The following RELCH variants were observed in gnomAD, a reference collection of about 807,000 sequenced individuals.
RELCH encodes RAB11-binding protein RELCH.
RELCH carries 41 observed loss-of-function variants against 150.3 expected under a neutral mutation model. That is an observed-to-expected ratio of 0.27 (90% CI 0.21 to 0.35). The LOEUF (loss-of-function observed/expected upper bound fraction) is 0.35. Ranked by LOEUF, RELCH falls within the 10% of genes least tolerant of loss-of-function variation. The pLI is 1.00. For synonymous variants in RELCH, 478 were observed against 531.8 expected (o/e 0.90, Z 1.39); for missense variants, 1,092 against 1,467.8 (o/e 0.74, Z 4.18).
intron 15 of RELCH, 148 bp downstream of exon 15, chr18:62,258,824 G>A (rs2043114397): frequency 7.5e-6 from 4 of 532,550 alleles, no homozygotes; most frequent in Admixed American, 4.0e-5. Flanking sequence ...TTGGACTGGA[G>A]CCAAGAAAGA....
intron 2 of RELCH, among the ~76,000 whole-genome samples, chr18:62,216,490 T>C (rs955705957): frequency 6.6e-6 from 1 of 152,152 alleles, no homozygotes; most frequent in Non-Finnish European, 1.5e-5. Context: ...ACTAGAACTA[T>C]GCTTTCTGAT....
intron 22 of RELCH, among the ~76,000 whole-genome samples, chr18:62,276,320 A>G (rs1337405751): frequency 6.6e-6 from 1 of 152,156 alleles, no homozygotes; most frequent in East Asian, 1.9e-4. Context: ...AAAGTTGATA[A>G]CAAAAAGTAT....
At chr18:62,222,260 T>C (rs2040925628) in intron 5 of RELCH, among the ~76,000 whole-genome samples, 1 of 151,970 alleles carries the variant, frequency 6.6e-6, no homozygotes, top group African/African-American at 2.4e-5. Context: ...TAGAATATAT[T>C]TGGCAAAATT....
intron 11 of RELCH, chr18:62,247,538 A>C (rs1180183706): frequency 6.6e-6 from 1 of 150,736 alleles, no homozygotes; most frequent in Non-Finnish European, 1.5e-5. Context: ...TGTTTATTAT[A>C]AGCGATTTTT....
intron 11 of RELCH, among the ~76,000 whole-genome samples, chr18:62,247,625 C>T (rs1193592872): frequency 2.6e-5 from 4 of 151,622 alleles, no homozygotes; most frequent in African/African-American, 9.7e-5. Flanking sequence ...CTCACTGCAA[C>T]CTCCACCTTC....
chr18:62,206,631 C>G (rs2039801835), intron 1 of RELCH, among the ~76,000 whole-genome samples: 1 of 152,162 alleles, frequency 6.6e-6, no homozygotes, highest in African/African-American at 2.4e-5. Flanking sequence ...AACAATTTAA[C>G]AGAGGGTTGA....
chr18:62,213,729 C>CAAA (rs5825484), intron 2 of RELCH, among the ~76,000 whole-genome samples: 3,665 of 79,856 alleles, frequency 0.046, 263 homozygotes, highest in East Asian at 0.15. Flanking sequence ...GACTCAGTCT[C>CAAA]AAAAAAAAAA....
At chr18:62,291,436 C>T in intron 26 of RELCH, 107 bp from the exon 27 acceptor site, 1 of 574,756 alleles carries the variant, frequency 1.7e-6, no homozygotes, top group South Asian at 2.5e-5. Context: ...ATCACTATGC[C>T]ATAGGTATGA....
Position 62,187,907 on chromosome 18 carries a change from A to T in RELCH, c.402A>T (p.Pro134=). ...LPRLRDYFSN[P]GNFERQSGTP... ...GGCTGCGCGACTACTTCTCCAATCC[A>T]GGCAACTTCGAGAGGCAAAGTGGAA... The change falls in exon 1 of 29, where the codon CCA becomes CCT. Residue 134 remains proline (P), a synonymous_variant. Coordinates refer to ENST00000644646, the MANE Select transcript of RELCH (RefSeq NM_001346231.2). The T allele has an allele frequency of 6.3e-7, 1 of 1,596,140 alleles. No individual in the cohort carries two copies. The highest frequency in any genetic ancestry group is 1.1e-5 in the South Asian group (1 of 88,498).
Position 62,231,302 on chromosome 18 carries a change from A to G in RELCH, c.1524+33A>G, listed in dbSNP as rs149751169. 447 of 1,316,708 alleles carry G rather than the reference A, an allele frequency of 3.4e-4. 1 individual carries two copies. In the African/African-American group the frequency reaches 5.1e-3, roughly 15 times the overall value. The allele number at this position is 1,316,708 out of a possible 1,614,324, so 81.6% of individuals were successfully genotyped here. A position where few individuals can be genotyped will look rare whatever the true frequency, so the allele number is the denominator to read the frequency against. The stretch of plus-strand genomic sequence containing the variant: ...ATACCACCTATTTCCACAACTTTTT[A>G]AAAACATTCTACTGTTTTTCTTCTT... On this transcript the variant is annotated intron_variant, in intron 9 of 28. Coordinates refer to ENST00000644646, the MANE Select transcript of RELCH (RefSeq NM_001346231.2).
chr18:62,301,966 C>T (rs556990254), intron 28 of RELCH, among the ~76,000 whole-genome samples: 1 of 152,280 alleles, frequency 6.6e-6, no homozygotes, highest in African/African-American at 2.4e-5. Flanking sequence ...GTAAGTTGCT[C>T]AGAGGCCACC....
intron 25 of RELCH, among the ~76,000 whole-genome samples, chr18:62,283,985 T>C (rs1317515656): frequency 6.6e-6 from 1 of 152,204 alleles, no homozygotes; most frequent in African/African-American, 2.4e-5. Flanking sequence ...CCGTGTCATA[T>C]AGTTAAAACT....
intron 11 of RELCH, among the ~76,000 whole-genome samples, chr18:62,248,093 T>C (rs2042514853): frequency 6.6e-6 from 1 of 152,276 alleles, no homozygotes; most frequent in Non-Finnish European, 1.5e-5. Flanking sequence ...AATCAACAGA[T>C]TGACAGCCTT....
intron 28 of RELCH, among the ~76,000 whole-genome samples, chr18:62,304,876 C>G (rs552330058): frequency 6.6e-6 from 1 of 152,094 alleles, no homozygotes; most frequent in African/African-American, 2.4e-5. Flanking sequence ...AGGAATATCC[C>G]CCTAAAAAGG....
rs190692484 is a variant in RELCH at position 62,287,503 on chromosome 18, G to A, written c.3370+36G>A. 2.0e-4 allele frequency: 213 copies of A among 1,085,296 alleles called. 1 individual carries two copies. Among genetic ancestry groups the A allele is most frequent in the Non-Finnish European group, 1.5e-4 (108 of 712,340 alleles). The allele number at this position is 1,085,296 out of a possible 1,614,324, so 67.2% of individuals were successfully genotyped here. On this transcript the variant is annotated intron_variant, in intron 26 of 28. Transcript: ENST00000644646. ...TTTATTAAGGTGTATCTACATTTAT[G>A]TAACCAATCTTAGAGTGGAACTTGG... is the stretch of plus-strand genomic sequence containing the variant.
At chr18:62,215,303 A>G (rs983718110) in intron 2 of RELCH, among the ~76,000 whole-genome samples, 5 of 152,170 alleles carry the variant, frequency 3.3e-5, no homozygotes, top group Non-Finnish European at 7.3e-5. Flanking sequence ...AAGAACAAAC[A>G]TCTGTATTAT....
At chr18:62,200,695 C>T (rs1006774145) in intron 1 of RELCH, among the ~76,000 whole-genome samples, 1 of 151,772 alleles carries the variant, frequency 6.6e-6, no homozygotes, top group Non-Finnish European at 1.5e-5. Context: ...AAGGTTACTG[C>T]TATACCAAGC....
chr18:62,232,238 G>T, intron 9 of RELCH, 94 bp from the exon 10 acceptor site: 3 of 707,076 alleles, frequency 4.2e-6, no homozygotes, highest in Non-Finnish European at 7.8e-6. Context: ...TGTGTTTAGG[G>T]CAGAGGTATC....
At chr18:62,252,245 C>T (rs1009358759) in intron 11 of RELCH, among the ~76,000 whole-genome samples, 1 of 151,360 alleles carries the variant, frequency 6.6e-6, no homozygotes, top group African/African-American at 2.4e-5. Context: ...ATGATCTGCC[C>T]GCCTCAGCCT....
Sources: gnomAD v4.1 joint callset for allele counts (sites outside exome capture counted in the v4.1 genomes callset) on GRCh38, gnomAD v4.1.1 for gene constraint, MANE v1.5 for transcripts, NCBI Gene and HGNC (gene_info 2026-07-23, HGNC 2026-07-21) for gene names.